The following SYT1 variants were observed in gnomAD, a reference collection of about 807,000 sequenced individuals.
The protein encoded by SYT1 is synaptotagmin 1, also known as synaptotagmin-1.
In SYT1, 8 loss-of-function variants were observed where a neutral mutation model predicts 44.8. The observed-to-expected ratio is 0.18, with a 90% CI of 0.10 to 0.32. The LOEUF (loss-of-function observed/expected upper bound fraction) is 0.32, where lower values mean the gene tolerates loss of function less well. Ranked by LOEUF, SYT1 falls within the 10% of genes least tolerant of loss-of-function variation. SYT1 has a pLI of 1.00. For synonymous variants in SYT1, 154 were observed against 188.8 expected (o/e 0.82, Z 1.51); for missense variants, 286 against 509.3 (o/e 0.56, Z 4.22).
At chr12:78,864,303 C>T (rs1001386921), upstream of SYT1, 1 of 148,986 alleles carries the variant, frequency 6.7e-6, no homozygotes, top group African/African-American at 2.5e-5. Context: ...ACTCCTAGGT[C>T]GCTGTTGCAG....
At chr12:79,246,508 A>G (rs939885213) in intron 4 of SYT1, among the ~76,000 whole-genome samples, 1 of 152,154 alleles carries the variant, frequency 6.6e-6, no homozygotes, top group African/African-American at 2.4e-5. Flanking sequence ...TGGAGGCTGG[A>G]AAGTCCAAGA....
At chr12:78,997,612 A>G (rs1870463885) in intron 2 of SYT1, among the ~76,000 whole-genome samples, 1 of 151,658 alleles carries the variant, frequency 6.6e-6, no homozygotes, top group Admixed American at 6.6e-5. Context: ...CCCAGAAGCC[A>G]TCTATTACCC....
At chr12:79,253,363 G>A (rs868858687) in intron 4 of SYT1, among the ~76,000 whole-genome samples, 1 of 151,752 alleles carries the variant, frequency 6.6e-6, no homozygotes, top group Middle Eastern at 3.2e-3. Context: ...TATGGTGATC[G>A]GTGATCTTTG....
At chr12:79,140,899 C>G (rs994969783) in intron 3 of SYT1, among the ~76,000 whole-genome samples, 2 of 152,144 alleles carry the variant, frequency 1.3e-5, no homozygotes, top group Admixed American at 1.3e-4. Flanking sequence ...GGCATAAGTC[C>G]TCTAGTCACT....
chr12:79,162,072 A>G (rs1302505152), intron 3 of SYT1, among the ~76,000 whole-genome samples: 1 of 152,142 alleles, frequency 6.6e-6, no homozygotes, highest in East Asian at 1.9e-4. Context: ...AAACATGGAA[A>G]CAAGTATTTC....
chr12:78,870,770 T>G (rs1223300941), intron 1 of SYT1, among the ~76,000 whole-genome samples: 1 of 152,012 alleles, frequency 6.6e-6, no homozygotes, highest in African/African-American at 2.4e-5. Flanking sequence ...CCATCCTCCT[T>G]GCATGTCACT....
At chr12:78,960,095 A>G (rs1392429585) in intron 1 of SYT1, among the ~76,000 whole-genome samples, 1 of 152,190 alleles carries the variant, frequency 6.6e-6, no homozygotes, top group Non-Finnish European at 1.5e-5. Context: ...AATAGTCAAT[A>G]CATTAGTGAA....
chr12:79,425,966 A>T (rs1869419741), intron 9 of SYT1, among the ~76,000 whole-genome samples: 1 of 151,914 alleles, frequency 6.6e-6, no homozygotes, highest in Admixed American at 6.6e-5. Context: ...TATTATGTCT[A>T]CTCTCTTATT....
intron 4 of SYT1, among the ~76,000 whole-genome samples, chr12:79,229,590 T>A (rs2068229134): frequency 1.5e-5 from 1 of 68,512 alleles, no homozygotes; most frequent in African/African-American, 7.7e-5. Context: ...GTTTTTTTTA[T>A]TTTTTATTTT....
In SYT1 at chr12:78,891,692, C is replaced by G. The variant is rs889406755; in HGVS notation, c.-217+26583C>G. 2.6e-5 allele frequency among the ~76,000 whole-genome samples: 4 copies of G among 151,934 alleles called. No individual in the cohort carries two copies. The East Asian group carries it at 7.8e-4, about 30-fold the overall frequency. On this transcript the variant is annotated intron_variant, in intron 1 of 10. Transcript: ENST00000261205. ...TCAGAACATGTAGGATAAAAGGAAA[C>G]TTTGTCAGGGATGTCTTGAGAAACC...
chr12:79,238,697 C>A (rs771167397), intron 4 of SYT1, among the ~76,000 whole-genome samples: 1 of 152,200 alleles, frequency 6.6e-6, no homozygotes, highest in African/African-American at 2.4e-5. Flanking sequence ...CTCCTGCCTA[C>A]TTCCAAATGC....
At chr12:79,385,733 T>TTG (rs1316754626) in intron 9 of SYT1, among the ~76,000 whole-genome samples, 2 of 151,838 alleles carry the variant, frequency 1.3e-5, no homozygotes, top group African/African-American at 4.8e-5. Flanking sequence ...CCCATTGTTG[T>TTG]TGTTGTTGTT....
chr12:78,955,161 G>A (rs1879145633), intron 1 of SYT1, among the ~76,000 whole-genome samples: 1 of 152,110 alleles, frequency 6.6e-6, no homozygotes, highest in African/African-American at 2.4e-5. Flanking sequence ...GTTAAACAGA[G>A]TTTCTAATAA....
chr12:78,936,614 C>T (rs923510728), intron 1 of SYT1, among the ~76,000 whole-genome samples: 6 of 152,010 alleles, frequency 3.9e-5, no homozygotes, highest in Admixed American at 6.6e-5. Flanking sequence ...TTAAAAAATG[C>T]ATATTCTTTA....
chr12:79,209,235 A>G (rs1013129069), intron 3 of SYT1, among the ~76,000 whole-genome samples: 1 of 152,190 alleles, frequency 6.6e-6, no homozygotes, highest in African/African-American at 2.4e-5. Flanking sequence ...CTGCAAACTT[A>G]TGGAGGATTT....
chr12:79,290,883 T>G (rs1240974312), intron 5 of SYT1, among the ~76,000 whole-genome samples: 1 of 152,084 alleles, frequency 6.6e-6, no homozygotes, highest in African/African-American at 2.4e-5. Flanking sequence ...ATACAAATGG[T>G]TAATGTAAAA....
chr12:78,922,450 T>G (rs1427280653), intron 1 of SYT1, among the ~76,000 whole-genome samples: 1 of 151,610 alleles, frequency 6.6e-6, no homozygotes, highest in African/African-American at 2.4e-5. Flanking sequence ...TATAATTTCT[T>G]AAGAAAACAT....
At chr12:78,951,071 A>G (rs751782038) in intron 1 of SYT1, among the ~76,000 whole-genome samples, 6 of 152,188 alleles carry the variant, frequency 3.9e-5, no homozygotes, top group Non-Finnish European at 8.8e-5. Context: ...AATCCTCTAC[A>G]TAAATGAACG....
At chr12:79,068,452 A>T (rs1876028580) in intron 3 of SYT1, among the ~76,000 whole-genome samples, 1 of 152,126 alleles carries the variant, frequency 6.6e-6, no homozygotes, top group South Asian at 2.1e-4. Context: ...TTGAAAAAAT[A>T]CTCTGGGGAT....
Sources: allele counts gnomAD v4.1 joint callset (sites outside exome capture counted in the v4.1 genomes callset), GRCh38; gene constraint gnomAD v4.1.1; transcripts MANE v1.5; gene names NCBI Gene and HGNC (gene_info 2026-07-23, HGNC 2026-07-21).